TNFSF13B: variants seen among roughly 807,000 people sequenced by gnomAD.
The protein encoded by TNFSF13B is tumor necrosis factor ligand superfamily member 13B.
In TNFSF13B, 8 loss-of-function variants were observed where a neutral mutation model predicts 29.1. That is an observed-to-expected ratio of 0.27 (90% CI 0.16 to 0.50). The LOEUF (loss-of-function observed/expected upper bound fraction) is 0.50, where lower values mean the gene tolerates loss of function less well. Among genes scored for constraint, TNFSF13B ranks in the 20% least tolerant of loss-of-function variants. The pLI is 0.98. For missense variants in TNFSF13B, 248 were observed against 334.9 expected (o/e 0.74, Z 2.03); for synonymous variants, 125 against 130.8 (o/e 0.96, Z 0.30).
intron 2 of TNFSF13B, among the ~76,000 whole-genome samples, chr13:108,271,409 G>A (rs1008245894): frequency 3.4e-5 from 5 of 146,042 alleles, no homozygotes; most frequent in African/African-American, 1.3e-4. Context: ...AATTGCATAA[G>A]AAATGTAGTG....
chr13:108,276,840 TATTAGTAATTCC>T (rs1880776871), intron 2 of TNFSF13B, among the ~76,000 whole-genome samples: 1 of 152,236 alleles, frequency 6.6e-6, no homozygotes, highest in Non-Finnish European at 1.5e-5. Context: ...GTGTTGTTTT[TATTAGTAATTCC>T]ATATGAATGG....
At chr13:108,289,137 A>G (rs1057132107) in intron 3 of TNFSF13B, among the ~76,000 whole-genome samples, 1 of 152,178 alleles carries the variant, frequency 6.6e-6, no homozygotes, top group African/African-American at 2.4e-5. Context: ...AATTCTTTTG[A>G]AAAGGTTTAC....
chr13:108,292,117 GCAAT>G (rs1422476578), intron 3 of TNFSF13B, among the ~76,000 whole-genome samples: 2 of 151,882 alleles, frequency 1.3e-5, no homozygotes, highest in East Asian at 3.9e-4. Flanking sequence ...TATCCATTAA[GCAAT>G]CAGTTACCAT....
chr13:108,286,981 A>T, intron 3 of TNFSF13B, 122 bp downstream of exon 3: 1 of 490,948 alleles, frequency 2.0e-6, no homozygotes, highest in Non-Finnish European at 3.5e-6. Context: ...TGATGAGTTC[A>T]TGTCCTTTGT....
At chr13:108,288,689 C>A (rs1359337273) in intron 3 of TNFSF13B, among the ~76,000 whole-genome samples, 1 of 152,170 alleles carries the variant, frequency 6.6e-6, no homozygotes, top group Non-Finnish European at 1.5e-5. Flanking sequence ...GAGCTTACCT[C>A]TTGATGAGGA....
In TNFSF13B at chr13:108,269,986, C is replaced by T; in HGVS notation, c.91C>T (p.Leu31Phe). The change falls in exon 1 of 6, where the codon CTC becomes TTC. Residue 31 changes from leucine to phenylalanine, a missense_variant. Physicochemically the swap from Leu to Phe is conservative, Grantham distance 22 (BLOSUM62 0). Around this residue, in one of 2 missense-constraint regions of TNFSF13B, gnomAD observed 186 missense variants for 196.3 expected, o/e 0.95. Coordinates refer to ENST00000375887, the MANE Select transcript of TNFSF13B (RefSeq NM_006573.5). ...GAAACTGAAGGAGTGTGTTTCCATC[C>T]TCCCACGGAAGGAAAGCCCCTCTGT... ...EMKLKECVSI[L>F]PRKESPSVRS... 1.2e-6 allele frequency: 2 copies of T among 1,613,606 alleles called. No individual in the cohort carries two copies. The highest frequency in any genetic ancestry group is 3.3e-5 in the Admixed American group (2 of 60,020).
At position 108,303,239 on chromosome 13, in the gene TNFSF13B, T is replaced by G; in HGVS notation, c.482-14T>G. 1 of 1,566,862 alleles carries G rather than the reference T, an allele frequency of 6.4e-7. No individual in the cohort carries two copies. ...CTTGGTTTCTTTCCTTATAAATGAT[T>G]CTCTTCATTGCAGGATCTTACACAT... On this transcript the variant is annotated splice_polypyrimidine_tract_variant and intron_variant, in intron 3 of 5. Transcript: ENST00000375887.
At chr13:108,300,418 C>T (rs1452431980) in intron 3 of TNFSF13B, among the ~76,000 whole-genome samples, 1 of 152,000 alleles carries the variant, frequency 6.6e-6, no homozygotes, top group Admixed American at 6.6e-5. Flanking sequence ...TTTAAAAGCT[C>T]TCTTCCCTCC....
At chr13:108,289,460 G>A (rs1039157460) in intron 3 of TNFSF13B, among the ~76,000 whole-genome samples, 1 of 151,628 alleles carries the variant, frequency 6.6e-6, no homozygotes, top group Non-Finnish European at 1.5e-5. Flanking sequence ...GTTAAAAAAG[G>A]CTGTACTCAC....
At chr13:108,278,715 T>TTCC (rs1215907451) in intron 2 of TNFSF13B, among the ~76,000 whole-genome samples, 1 of 140,630 alleles carries the variant, frequency 7.1e-6, no homozygotes, top group Non-Finnish European at 1.5e-5. Flanking sequence ...TCCCCTTCTC[T>TTCC]TCCTCCTCCT....
rs1881165359 is a variant in TNFSF13B, at chr13:108,287,140, G to A, written c.481+281G>A. Among the ~76,000 whole-genome samples the A allele has an allele frequency of 3.3e-5, 4 of 122,442 alleles. No homozygotes were observed. In the South Asian group the frequency reaches 9.4e-4, roughly 29 times the overall value. The allele number at this position is 122,442 out of a possible 152,430, so 80.3% of individuals were successfully genotyped here. A position where few individuals can be genotyped will look rare whatever the true frequency, so the allele number is the denominator to read the frequency against. ...TGTTGTGGGGTGGGGGGAGGGGGGA[G>A]GGATAGCATTAGGAGATATACCTAC... On this transcript the variant is annotated intron_variant, in intron 3 of 5. Coordinates refer to ENST00000375887, the MANE Select transcript of TNFSF13B (RefSeq NM_006573.5).
chr13:108,296,610 A>G lies in TNFSF13B; in HGVS notation c.482-6643A>G, dbSNP rs554799357. ...CCAAATTTAAATTTAGCTCATTTAT[A>G]TTTAAAGTGATTACTGATAAGGAAA... On this transcript the variant is annotated intron_variant, in intron 3 of 5. Coordinates refer to ENST00000375887, the MANE Select transcript of TNFSF13B (RefSeq NM_006573.5). Among the ~76,000 whole-genome samples the G allele has an allele frequency of 5.5e-5, 8 of 146,032 alleles. No individual in the cohort carries two copies. The South Asian group carries it at 1.7e-3, about 31-fold the overall frequency.
chr13:108,305,010 A>G (rs1881729285), intron 5 of TNFSF13B, among the ~76,000 whole-genome samples: 1 of 152,162 alleles, frequency 6.6e-6, no homozygotes, highest in African/African-American at 2.4e-5. Context: ...GTAACTCTTT[A>G]AAACGTTTTT....
intron 2 of TNFSF13B, among the ~76,000 whole-genome samples, chr13:108,283,208 C>T (rs947773706): frequency 1.2e-4 from 18 of 152,258 alleles, no homozygotes; most frequent in African/African-American, 3.9e-4. Context: ...AGTTGAAATT[C>T]GATAATAGCT....
At chr13:108,303,119 T>A (rs1043357069) in intron 3 of TNFSF13B, 134 bp from the exon 4 acceptor site, 1 of 733,612 alleles carries the variant, frequency 1.4e-6, no homozygotes, top group Non-Finnish European at 2.1e-6. Context: ...CTTTTTCCTT[T>A]TTTTTCTTTC....
At chr13:108,297,675 G>T (rs564420507) in intron 3 of TNFSF13B, among the ~76,000 whole-genome samples, 1 of 144,628 alleles carries the variant, frequency 6.9e-6, no homozygotes, top group Non-Finnish European at 1.5e-5. Context: ...AGCCATTTTA[G>T]ATTCACAGAA....
At chr13:108,302,372 T>A (rs1468023456) in intron 3 of TNFSF13B, among the ~76,000 whole-genome samples, 1 of 152,156 alleles carries the variant, frequency 6.6e-6, no homozygotes, top group African/African-American at 2.4e-5. Context: ...TAATTTATAC[T>A]CCCCAAATTT....
At chr13:108,293,693 A>G (rs146153497) in intron 3 of TNFSF13B, among the ~76,000 whole-genome samples, 9 of 152,332 alleles carry the variant, frequency 5.9e-5, no homozygotes, top group African/African-American at 1.7e-4. Flanking sequence ...CTGTTTAGTC[A>G]GTTCAGTTTG....
At chr13:108,289,893 G>A (rs995262684) in intron 3 of TNFSF13B, among the ~76,000 whole-genome samples, 3 of 151,882 alleles carry the variant, frequency 2.0e-5, no homozygotes, top group Non-Finnish European at 4.4e-5. Flanking sequence ...TGTCTTTTCT[G>A]TTCATTTGTT....
Sources: allele counts gnomAD v4.1 joint callset (sites outside exome capture counted in the v4.1 genomes callset), GRCh38; gene constraint gnomAD v4.1.1; regional missense constraint gnomAD v4.1.1; transcripts MANE v1.5; gene names NCBI Gene and HGNC (gene_info 2026-07-23, HGNC 2026-07-21).